THADA: variants seen among roughly 807,000 people sequenced by gnomAD.
THADA encodes tRNA (32-2'-O)-methyltransferase regulator THADA.
In THADA, 213 loss-of-function variants were observed where a neutral mutation model predicts 219.8. That is an observed-to-expected ratio of 0.97 (90% CI 0.87 to 1.09). THADA has a LOEUF of 1.09. Ranked by LOEUF, THADA falls within the 50% of genes least tolerant of loss-of-function variation. The pLI is 0.00. For missense variants in THADA, 2,956 were observed against 2,311.3 expected (o/e 1.28, Z -5.72); for synonymous variants, 1,018 against 828.9 (o/e 1.23, Z -3.92).
chr2:43,387,428 C>T (rs1248000906), intron 29 of THADA, among the ~76,000 whole-genome samples: 1 of 152,146 alleles, frequency 6.6e-6, no homozygotes, highest in Non-Finnish European at 1.5e-5. Flanking sequence ...AGGAAAGTGC[C>T]TCCTTAGTGA....
intron 36 of THADA, among the ~76,000 whole-genome samples, chr2:43,234,967 C>A (rs1244556815): frequency 6.6e-6 from 1 of 151,032 alleles, no homozygotes; most frequent in Non-Finnish European, 1.5e-5. Context: ...GCCGCTGCAC[C>A]CAGTGGGTTT....
chr2:43,571,680 C>T, intron 13 of THADA, 27 bp downstream of exon 13: 1 of 1,598,050 alleles, frequency 6.3e-7, no homozygotes, highest in Non-Finnish European at 8.5e-7. Flanking sequence ...TCACCACTTC[C>T]CTATGCCTTC....
At chr2:43,516,799 A>C (rs1201561213) in intron 22 of THADA, among the ~76,000 whole-genome samples, 1 of 152,110 alleles carries the variant, frequency 6.6e-6, no homozygotes, top group Non-Finnish European at 1.5e-5. Flanking sequence ...TATTTGTTTT[A>C]GTGAATTTCA....
chr2:43,583,069 T>A (rs1392699926), intron 7 of THADA, among the ~76,000 whole-genome samples: 1 of 152,226 alleles, frequency 6.6e-6, no homozygotes, highest in East Asian at 1.9e-4. Flanking sequence ...CAGCTTTAAA[T>A]TATAATCTAC....
chr2:43,446,097 T>C (rs1197360922), intron 26 of THADA, among the ~76,000 whole-genome samples: 2 of 152,228 alleles, frequency 1.3e-5, no homozygotes, highest in South Asian at 2.1e-4. Context: ...AAGGTCCCAT[T>C]TGGGCAGCTT....
intron 29 of THADA, among the ~76,000 whole-genome samples, chr2:43,357,704 A>G (rs1445356842): frequency 6.6e-6 from 1 of 152,216 alleles, no homozygotes; most frequent in African/African-American, 2.4e-5. Flanking sequence ...AGTCATTATA[A>G]AGAAGTTGTA....
intron 26 of THADA, among the ~76,000 whole-genome samples, chr2:43,460,353 G>T (rs1273348705): frequency 6.6e-6 from 1 of 151,620 alleles, no homozygotes. Context: ...CAGTACCCAG[G>T]TGAAACTGCT....
At chr2:43,477,419 G>C (rs770507907) in intron 26 of THADA, among the ~76,000 whole-genome samples, 1 of 152,264 alleles carries the variant, frequency 6.6e-6, no homozygotes, top group South Asian at 2.1e-4. Flanking sequence ...GTGAATAACA[G>C]AAAAATCTAT....
At chr2:43,377,410 T>G (rs1671504622) in intron 29 of THADA, among the ~76,000 whole-genome samples, 1 of 151,888 alleles carries the variant, frequency 6.6e-6, no homozygotes, top group Non-Finnish European at 1.5e-5. Flanking sequence ...GGAAAAAATG[T>G]GTTAAATATA....
rs148263714 is a variant in THADA, at chr2:43,365,527, C to T, written c.4228-21290G>A. The stretch of plus-strand genomic sequence containing the variant: ...TGGAGGCTGCAGCGAGCTGAGATCA[C>T]GCCACCGCACTCCAGCCCAGGTGAC... On this transcript the variant is annotated intron_variant, in intron 29 of 37. Transcript: ENST00000405975. Among the ~76,000 whole-genome samples, 1,028 of 151,614 alleles carry T rather than the reference C, an allele frequency of 6.8e-3. 4 individuals carry two copies. Among genetic ancestry groups the T allele is most frequent in the South Asian group, 0.012 (56 of 4,792 alleles).
intron 26 of THADA, among the ~76,000 whole-genome samples, chr2:43,446,706 A>G (rs555207592): frequency 3.0e-4 from 46 of 152,354 alleles, no homozygotes; most frequent in Admixed American, 5.2e-4. Flanking sequence ...AGCAATACGT[A>G]ATTGAAACAC....
chr2:43,450,933 G>A (rs1682235994), intron 26 of THADA, among the ~76,000 whole-genome samples: 1 of 152,144 alleles, frequency 6.6e-6, no homozygotes, highest in Admixed American at 6.5e-5. Flanking sequence ...GGTGGTTACT[G>A]GGGCACTGGA....
rs1240681415 is a variant in THADA at position 43,572,928 on chromosome 2, CA to C, written c.1793del (p.Met598ArgfsTer6). Reference sequence around the variant, plus strand: ...GAGCTCTAGCTATTCGCAGACATGCCATCAAAGCTCCCAGAGCCCCCCTGCT... The same window carrying C: ...GAGCTCTAGCTATTCGCAGACATGCCTCAAAGCTCCCAGAGCCCCCCTGCT... ...CNSRGALGALMACLRIARAHG... is the reference protein window; with the variant it reads ...CNSRGALGALXACLRIARAHG... On this transcript the variant is annotated frameshift_variant, in exon 12 of 38. Coordinates refer to ENST00000405975, the MANE Select transcript of THADA (RefSeq NM_022065.5). LOFTEE classifies it high-confidence loss of function. The C allele has an allele frequency of 6.8e-6, 11 of 1,613,832 alleles. No individual in the cohort carries two copies. Among genetic ancestry groups the C allele is most frequent in the Non-Finnish European group, 9.3e-6 (11 of 1,179,866 alleles).
At chr2:43,545,897 A>G (rs1269305546) in intron 20 of THADA, among the ~76,000 whole-genome samples, 1 of 151,954 alleles carries the variant, frequency 6.6e-6, no homozygotes, top group Non-Finnish European at 1.5e-5. Flanking sequence ...GACTTTAGTT[A>G]TTTCTTGCCT....
intron 31 of THADA, among the ~76,000 whole-genome samples, chr2:43,303,758 T>C (rs1676525036): frequency 6.8e-6 from 1 of 146,238 alleles, no homozygotes; most frequent in Non-Finnish European, 1.5e-5. Context: ...GAATAATAAT[T>C]AGAGAGGGCA....
At chr2:43,288,972 C>T (rs1259209342) in intron 34 of THADA, among the ~76,000 whole-genome samples, 1 of 152,206 alleles carries the variant, frequency 6.6e-6, no homozygotes, top group Non-Finnish European at 1.5e-5. Flanking sequence ...CTCCCCAGCC[C>T]TGACTAAGCA....
intron 26 of THADA, among the ~76,000 whole-genome samples, chr2:43,478,969 T>G (rs1366474933): frequency 6.6e-6 from 1 of 152,172 alleles, no homozygotes. Context: ...AACTTGTACT[T>G]TACCTCTCAG....
chr2:43,232,857 G>T lies in THADA; in HGVS notation c.5322C>A (p.Ala1774=). 6.2e-7 allele frequency: 1 copy of T among 1,611,334 alleles called. No individual in the cohort carries two copies. The highest frequency in any genetic ancestry group is 8.5e-7 in the Non-Finnish European group (1 of 1,179,000). The part of the protein sequence containing the change: ...STEFAFCQVD[A]SIALALALAV... ...CCAGGGCCAGGGCCAGAGCGATGGA[G>T]GCATCCACCTGGCAGAAGGCAAACT... The change falls in exon 37 of 38, where the codon GCC becomes GCA. Residue 1774 remains alanine, a synonymous_variant. Transcript: ENST00000405975.
intron 24 of THADA, among the ~76,000 whole-genome samples, chr2:43,499,652 T>C (rs930247147): frequency 1.3e-5 from 2 of 152,130 alleles, no homozygotes; most frequent in African/African-American, 2.4e-5. Context: ...GATGGCATTA[T>C]AGGTGTGAGC....
Sources: gnomAD v4.1 joint callset for allele counts (sites outside exome capture counted in the v4.1 genomes callset) on GRCh38, gnomAD v4.1.1 for gene constraint, MANE v1.5 for transcripts, NCBI Gene and HGNC (gene_info 2026-07-23, HGNC 2026-07-21) for gene names.